Variants in KCNN2 observed in about 807,000 individuals in gnomAD.
KCNN2 encodes the protein potassium calcium-activated channel subfamily N member 2.
Under a neutral mutation model 55.5 loss-of-function variants are expected in KCNN2, and 24 were observed. The ratio of observed to expected loss-of-function variants is 0.43; its 90% CI spans 0.31 to 0.61. The LOEUF is 0.61. KCNN2 is among the 20% of genes least tolerant of loss of function. KCNN2 has a pLI of 0.08. For missense variants in KCNN2, 754 were observed against 853.6 expected (o/e 0.88, Z 1.45); for synonymous variants, 431 against 336.1 (o/e 1.28, Z -3.09).
chr5:114,281,592 T>A (rs1335683067), intron 2 of KCNN2, among the ~76,000 whole-genome samples: 3 of 142,042 alleles, frequency 2.1e-5, no homozygotes, highest in Non-Finnish European at 4.6e-5. Context: ...TCAATCTCTG[T>A]CTCTCTCTCT....
At chr5:114,178,470 C>T (rs1753178878) in intron 1 of KCNN2, among the ~76,000 whole-genome samples, 1 of 152,164 alleles carries the variant, frequency 6.6e-6, no homozygotes, top group African/African-American at 2.4e-5. Flanking sequence ...GAAGTACACA[C>T]ATTTTCAAAG....
chr5:114,194,195 A>C (rs1753505551), intron 1 of KCNN2, among the ~76,000 whole-genome samples: 1 of 152,044 alleles, frequency 6.6e-6, no homozygotes, highest in African/African-American at 2.4e-5. Context: ...ATATGTTTGC[A>C]TTTCTCTTGG....
intron 2 of KCNN2, among the ~76,000 whole-genome samples, chr5:114,280,236 C>G (rs959790587): frequency 6.6e-6 from 1 of 152,116 alleles, no homozygotes; most frequent in Non-Finnish European, 1.5e-5. Context: ...AAAATTTTCT[C>G]CTATTCTGTA....
At chr5:114,396,432 C>G (rs1758619285) in intron 2 of KCNN2, among the ~76,000 whole-genome samples, 2 of 151,814 alleles carry the variant, frequency 1.3e-5, no homozygotes, top group Non-Finnish European at 2.9e-5. Flanking sequence ...TATTTTTAAA[C>G]TTTTATTTTG....
intron 1 of KCNN2, among the ~76,000 whole-genome samples, chr5:114,174,288 C>G (rs1222054771): frequency 6.6e-6 from 1 of 152,012 alleles, no homozygotes; most frequent in Non-Finnish European, 1.5e-5. Flanking sequence ...TCTTAGAAAA[C>G]AACGCAGAAA....
chr5:114,339,810 C>CAAAT lies in KCNN2; in HGVS notation c.-184-21132_-184-21131insTAAA, dbSNP rs1159506823. Among the ~76,000 whole-genome samples, 736 of 132,288 alleles carry CAAAT rather than the reference C, an allele frequency of 5.6e-3. 9 individuals carry two copies. The highest frequency in any genetic ancestry group is 0.02 in the African/African-American group (662 of 33,476). 86.8% of individuals were successfully genotyped at this position (132,288 alleles called of 152,430 possible). ...AGAGCCAGACCTTATCACAAACAAA[C>CAAAT]AAACAAATAAATAAATAAATAAATA... On this transcript the variant is annotated intron_variant, in intron 2 of 10. Transcript: ENST00000512097.
chr5:114,398,121 G>T (rs373426640), intron 2 of KCNN2, among the ~76,000 whole-genome samples: 23 of 152,146 alleles, frequency 1.5e-4, no homozygotes, highest in East Asian at 1.3e-3. Flanking sequence ...TGTCCAGAAT[G>T]ATATTTCCTA....
intron 2 of KCNN2, among the ~76,000 whole-genome samples, chr5:114,392,361 A>T (rs192914801): frequency 3.9e-5 from 6 of 152,278 alleles, no homozygotes; most frequent in Admixed American, 3.3e-4. Context: ...TCGTTCTAGC[A>T]AGTTTTTTTC....
intron 2 of KCNN2, among the ~76,000 whole-genome samples, chr5:114,265,416 G>A (rs1220159383): frequency 6.6e-6 from 1 of 151,848 alleles, no homozygotes; most frequent in Non-Finnish European, 1.5e-5. Context: ...TGGAGCTTGA[G>A]AAGTCCCAAA....
intron 3 of KCNN2, among the ~76,000 whole-genome samples, chr5:114,461,814 C>T (rs1313958920): frequency 6.6e-6 from 1 of 151,866 alleles, no homozygotes; most frequent in Non-Finnish European, 1.5e-5. Context: ...TAGGAGCAGC[C>T]TCCTTGCCAC....
intron 1 of KCNN2, among the ~76,000 whole-genome samples, chr5:114,150,170 T>A (rs1035240278): frequency 6.6e-5 from 10 of 152,198 alleles, no homozygotes; most frequent in Admixed American, 2.6e-4. Flanking sequence ...GTATTTACAA[T>A]AATCAGGAAC....
chr5:114,437,489 T>C (rs1047928526), intron 3 of KCNN2, among the ~76,000 whole-genome samples: 11 of 152,194 alleles, frequency 7.2e-5, no homozygotes, highest in Non-Finnish European at 1.6e-4. Context: ...GAAGACTCAA[T>C]AGTTAAATAA....
intron 2 of KCNN2, among the ~76,000 whole-genome samples, chr5:114,304,125 C>A (rs1756220730): frequency 6.6e-6 from 1 of 152,238 alleles, no homozygotes; most frequent in East Asian, 1.9e-4. Context: ...CCCTTCATTA[C>A]TGTTCTTTAG....
intron 1 of KCNN2, among the ~76,000 whole-genome samples, chr5:114,179,286 A>T (rs1396018081): frequency 6.6e-6 from 1 of 152,126 alleles, no homozygotes; most frequent in African/African-American, 2.4e-5. Flanking sequence ...CACTCAAGTG[A>T]TTGTTGTCAC....
intron 2 of KCNN2, among the ~76,000 whole-genome samples, chr5:114,260,875 G>A (rs1755094143): frequency 6.6e-6 from 1 of 152,172 alleles, no homozygotes; most frequent in Admixed American, 6.5e-5. Flanking sequence ...TGTCTGGAGT[G>A]AGGCAAGTCA....
In KCNN2 at chr5:114,465,593, C is replaced by A. The variant is rs1242395207; in HGVS notation, c.1779+2403C>A. Among the ~76,000 whole-genome samples the A allele has an allele frequency of 2.1e-5, 3 of 144,182 alleles. No homozygotes were observed. The East Asian group carries it at 6.0e-4, about 29-fold the overall frequency. 94.6% of individuals were successfully genotyped at this position (144,182 alleles called of 152,430 possible). On this transcript the variant is annotated intron_variant, in intron 4 of 7. Transcript: ENST00000673685. ...CGCCATGGCACTCTAGCCTGGGCAA[C>A]AAGAGTGAAACTCCATCATCTCAAA...
chr5:114,447,333 G>A (rs1353148295), intron 3 of KCNN2, among the ~76,000 whole-genome samples: 2 of 152,164 alleles, frequency 1.3e-5, no homozygotes, highest in Non-Finnish European at 2.9e-5. Flanking sequence ...AGAACTGAAT[G>A]GTTTTAGATC....
At chr5:114,080,065 A>G (rs1396855869) in intron 1 of KCNN2, among the ~76,000 whole-genome samples, 1 of 152,054 alleles carries the variant, frequency 6.6e-6, no homozygotes. Flanking sequence ...TACACTTGCT[A>G]TTGCTTGGAG....
intron 2 of KCNN2, among the ~76,000 whole-genome samples, chr5:114,308,386 G>T (rs1370770725): frequency 6.6e-6 from 1 of 152,198 alleles, no homozygotes; most frequent in Non-Finnish European, 1.5e-5. Flanking sequence ...GGGAATGAAG[G>T]AGTTGGGAAG....
Sources: allele counts gnomAD v4.1 joint callset (sites outside exome capture counted in the v4.1 genomes callset), GRCh38; gene constraint gnomAD v4.1.1; transcripts MANE v1.5; gene names NCBI Gene and HGNC (gene_info 2026-07-23, HGNC 2026-07-21).